The following TMEM232 variants were observed in gnomAD, a reference collection of about 807,000 sequenced individuals.
TMEM232 encodes transmembrane protein 232.
A neutral mutation model predicts 78.8 loss-of-function variants in TMEM232; 80 were observed. That is an observed-to-expected ratio of 1.01 (90% CI 0.85 to 1.22). The LOEUF (loss-of-function observed/expected upper bound fraction) is 1.22, where lower values mean the gene tolerates loss of function less well. Ranked by LOEUF, TMEM232 falls within the 50% of genes most tolerant of loss-of-function variation. TMEM232 has a pLI of 0.00. For synonymous variants in TMEM232, 297 were observed against 254.3 expected, an observed-to-expected ratio of 1.17 and a Z score of -1.60; for missense variants, 881 against 742.2, an observed-to-expected ratio of 1.19 and a Z score of -2.17.
rs1561633379 is a variant in TMEM232 at position 110,528,637 on chromosome 5, T to C, written c.1654A>G (p.Asn552Asp). Residue 552 changes from asparagine (N) to aspartate (D), a missense_variant, in exon 12 of 14, where the codon AAT becomes GAT. Asn to Asp is a conservative substitution (Grantham distance 23). Coordinates refer to ENST00000455884, the MANE Select transcript of TMEM232 (RefSeq NM_001039763.4). ...TTTTTCACAGACTCCAGCTTTTTAT[T>C]TGGATATTTTGTTTGATCCTTTTTT... ...SIKKDQTKYP[N>D]KKLESVKKQV... The C allele has an allele frequency of 6.5e-7, 1 of 1,533,640 alleles. No homozygotes were observed. The highest frequency in any genetic ancestry group is 2.5e-5 in the East Asian group (1 of 40,762).
intron 1 of TMEM232, among the ~76,000 whole-genome samples, chr5:110,713,733 T>A (rs751098950): frequency 2.6e-5 from 4 of 151,984 alleles, no homozygotes; most frequent in Non-Finnish European, 5.9e-5. Context: ...GACAGCTTTA[T>A]CTTCTTAAAA....
intron 12 of TMEM232, among the ~76,000 whole-genome samples, chr5:110,487,427 T>G (rs986513902): frequency 6.6e-6 from 1 of 152,098 alleles, no homozygotes; most frequent in African/African-American, 2.4e-5. Flanking sequence ...CCCCATTCGG[T>G]ATTATGTTGG....
intron 5 of TMEM232, among the ~76,000 whole-genome samples, chr5:110,632,224 T>C (rs1253266743): frequency 2.6e-5 from 4 of 151,262 alleles, no homozygotes; most frequent in Non-Finnish European, 5.9e-5. Flanking sequence ...TAACCAACAC[T>C]ATGATACATT....
chr5:110,573,568 C>T (rs973081100), intron 10 of TMEM232, among the ~76,000 whole-genome samples: 4 of 152,042 alleles, frequency 2.6e-5, no homozygotes, highest in African/African-American at 7.2e-5. Flanking sequence ...TCTTGGTATA[C>T]TTAATTCCAA....
chr5:110,735,772 A>G (rs1211867505), intron 1 of TMEM232, among the ~76,000 whole-genome samples: 1 of 152,204 alleles, frequency 6.6e-6, no homozygotes, highest in Non-Finnish European at 1.5e-5. Context: ...AAGATGTTCT[A>G]TGAACTTCAT....
At chr5:110,527,099 TG>T (rs574280653) in intron 12 of TMEM232, among the ~76,000 whole-genome samples, 1 of 151,708 alleles carries the variant, frequency 6.6e-6, no homozygotes, top group Non-Finnish European at 1.5e-5. Context: ...TAGGGAGGGA[TG>T]GGGGGTAAAT....
intron 2 of TMEM232, among the ~76,000 whole-genome samples, chr5:110,643,859 A>G (rs1787087578): frequency 6.6e-6 from 1 of 152,004 alleles, no homozygotes; most frequent in African/African-American, 2.4e-5. Flanking sequence ...GTAAACTGGA[A>G]TCAAATATAA....
chr5:110,547,861 G>A (rs1384904575), intron 11 of TMEM232, among the ~76,000 whole-genome samples: 1 of 151,796 alleles, frequency 6.6e-6, no homozygotes, highest in Non-Finnish European at 1.5e-5. Flanking sequence ...AGCCAGGCAT[G>A]GTGGTGCATG....
intron 1 of TMEM232, among the ~76,000 whole-genome samples, chr5:110,711,009 G>A (rs921614180): frequency 6.6e-6 from 1 of 152,136 alleles, no homozygotes; most frequent in African/African-American, 2.4e-5. Flanking sequence ...CTTGTATTTG[G>A]AAGAATCTAA....
chr5:110,482,374 A>G (rs537122981), intron 12 of TMEM232, among the ~76,000 whole-genome samples: 3 of 152,236 alleles, frequency 2.0e-5, no homozygotes, highest in African/African-American at 7.2e-5. Flanking sequence ...TGAGGTCAGG[A>G]GTTTGAGATG....
At chr5:110,447,685 T>C (rs532254828) in intron 12 of TMEM232, among the ~76,000 whole-genome samples, 2 of 152,116 alleles carry the variant, frequency 1.3e-5, no homozygotes, top group South Asian at 4.1e-4. Context: ...ATTTATAAAA[T>C]AGGGGCTGAA....
chr5:110,690,212 G>A (rs1204859680), intron 1 of TMEM232, among the ~76,000 whole-genome samples: 1 of 152,062 alleles, frequency 6.6e-6, no homozygotes, highest in South Asian at 2.1e-4. Context: ...CTACAGAATG[G>A]AATAAAATTT....
intron 7 of TMEM232, among the ~76,000 whole-genome samples, chr5:110,624,944 T>C (rs1022872651): frequency 3.3e-5 from 5 of 152,066 alleles, no homozygotes; most frequent in Admixed American, 2.6e-4. Context: ...ATAAATAAGT[T>C]TAACAAAAAA....
At chr5:110,557,862 A>C (rs1237002732) in intron 11 of TMEM232, among the ~76,000 whole-genome samples, 1 of 152,142 alleles carries the variant, frequency 6.6e-6, no homozygotes, top group Non-Finnish European at 1.5e-5. Context: ...TATATCAAAG[A>C]CACTCTGGCT....
At chr5:110,534,990 CT>C (rs1259345556) in intron 11 of TMEM232, among the ~76,000 whole-genome samples, 1 of 152,176 alleles carries the variant, frequency 6.6e-6, no homozygotes, top group Non-Finnish European at 1.5e-5. Context: ...CACACCGCCC[CT>C]AATCCCGCTC....
chr5:110,525,471 C>T (rs79364682), intron 12 of TMEM232, among the ~76,000 whole-genome samples: 2,248 of 151,794 alleles, frequency 0.015, 56 homozygotes, highest in African/African-American at 0.052. Flanking sequence ...AGATAAAGTA[C>T]CTATAAATAA....
chr5:110,465,296 T>C (rs1238241913), intron 12 of TMEM232, among the ~76,000 whole-genome samples: 6 of 152,222 alleles, frequency 3.9e-5, no homozygotes, highest in African/African-American at 1.4e-4. Flanking sequence ...CTGGGAAGTT[T>C]ACCTGACAAA....
chr5:110,700,798 A>G (rs199578572), intron 1 of TMEM232, among the ~76,000 whole-genome samples: 1 of 150,768 alleles, frequency 6.6e-6, no homozygotes, highest in Non-Finnish European at 1.5e-5. Context: ...AGATAGATAG[A>G]TAGATAGATA....
At chr5:110,618,267 T>G (rs1423704754) in intron 8 of TMEM232, among the ~76,000 whole-genome samples, 162 bp downstream of exon 8, 1 of 152,176 alleles carries the variant, frequency 6.6e-6, no homozygotes, top group Non-Finnish European at 1.5e-5. Context: ...ATGAAATGAA[T>G]TAATACTAAA....
Sources: allele counts gnomAD v4.1 joint callset (sites outside exome capture counted in the v4.1 genomes callset), GRCh38; gene constraint gnomAD v4.1.1; transcripts MANE v1.5; gene names NCBI Gene and HGNC (gene_info 2026-07-23, HGNC 2026-07-21).